The following RIGI variants were observed in gnomAD, a reference collection of about 807,000 sequenced individuals.
RIGI encodes the protein antiviral innate immune response receptor RIG-I.
chr9:32,500,937 C>T, the RIGI span: 3 of 1,612,414 alleles, frequency 1.9e-6, no homozygotes, highest in Non-Finnish European at 2.5e-6. Flanking sequence ...TACTGCACCT[C>T]TTCTACAAAC....
chr9:32,479,161 T>C, the RIGI span, among the ~76,000 whole-genome samples: 143 of 152,284 alleles, frequency 9.4e-4, 1 homozygote, highest in Admixed American at 2.7e-3. Flanking sequence ...ATACAAAAAA[T>C]CTGCAAAAAC....
At chr9:32,502,148 A>G in the RIGI span, among the ~76,000 whole-genome samples, 1 of 152,214 alleles carries the variant, frequency 6.6e-6, no homozygotes, top group African/African-American at 2.4e-5. Flanking sequence ...CTTACTTTGC[A>G]TAATGTTTTT....
the RIGI span, chr9:32,491,184 C>A: frequency 3.8e-5 from 45 of 1,175,830 alleles, 1 homozygote; most frequent in East Asian, 1.1e-3. Flanking sequence ...TCTTTACTTT[C>A]TTAATTTTCC....
chr9:32,519,436 T>C, the RIGI span, among the ~76,000 whole-genome samples: 1 of 152,206 alleles, frequency 6.6e-6, no homozygotes, highest in South Asian at 2.1e-4. Context: ...TTGTTTGGTT[T>C]TGCTTACCTC....
the RIGI span, among the ~76,000 whole-genome samples, chr9:32,455,466 C>T: frequency 6.6e-6 from 1 of 151,926 alleles, no homozygotes; most frequent in South Asian, 2.1e-4. Flanking sequence ...CTTATAAAAC[C>T]ATCAGATCTC....
At chr9:32,478,757 G>A in the RIGI span, among the ~76,000 whole-genome samples, 2 of 151,334 alleles carry the variant, frequency 1.3e-5, no homozygotes, top group Non-Finnish European at 1.5e-5. Context: ...ATGGGGTTTC[G>A]CCATGCTGCC....
the RIGI span, chr9:32,473,095 C>A: frequency 6.8e-7 from 1 of 1,469,426 alleles, no homozygotes; most frequent in Non-Finnish European, 9.4e-7. Flanking sequence ...ATCAATTGGA[C>A]ACTCCTTATA....
the RIGI span, among the ~76,000 whole-genome samples, chr9:32,525,626 C>T: frequency 1.1e-4 from 17 of 152,316 alleles, no homozygotes; most frequent in Non-Finnish European, 2.4e-4. Context: ...CATCAACTTC[C>T]TTTAAGCTCA....
At chr9:32,462,543 G>A in the RIGI span, among the ~76,000 whole-genome samples, 1 of 151,646 alleles carries the variant, frequency 6.6e-6, no homozygotes, top group South Asian at 2.1e-4. Flanking sequence ...CAAGTAGCTG[G>A]GATTACAGGC....
chr9:32,469,161 C>T, the RIGI span, among the ~76,000 whole-genome samples: 1 of 152,068 alleles, frequency 6.6e-6, no homozygotes, highest in Non-Finnish European at 1.5e-5. Flanking sequence ...GAGCCCCCAC[C>T]CCTACCTATC....
At chr9:32,460,966 A>C in the RIGI span, among the ~76,000 whole-genome samples, 2 of 152,098 alleles carry the variant, frequency 1.3e-5, no homozygotes, top group Non-Finnish European at 2.9e-5. Flanking sequence ...AAACAGGATA[A>C]ACCCCTTCAA....
the RIGI span, among the ~76,000 whole-genome samples, chr9:32,524,512 A>G: frequency 6.6e-6 from 1 of 151,184 alleles, no homozygotes; most frequent in Non-Finnish European, 1.5e-5. Context: ...ATTTCCAAAA[A>G]CTGCAATAAC....
chr9:32,497,191 A>T, the RIGI span, among the ~76,000 whole-genome samples: 4 of 152,056 alleles, frequency 2.6e-5, no homozygotes, highest in African/African-American at 9.7e-5. Flanking sequence ...CTTTCCATTT[A>T]TTTGTGTTAT....
chr9:32,458,934 G>A, the RIGI span, among the ~76,000 whole-genome samples: 1 of 137,104 alleles, frequency 7.3e-6, no homozygotes, highest in Non-Finnish European at 1.5e-5. Context: ...CTGTCACCCA[G>A]GCTGGAGCGC....
chr9:32,484,820 G>A, the RIGI span, among the ~76,000 whole-genome samples: 2 of 152,248 alleles, frequency 1.3e-5, no homozygotes, highest in African/African-American at 4.8e-5. Context: ...CTGGGTGATT[G>A]TCCCTAGATA....
At chr9:32,519,759 CTATTAT>C in the RIGI span, among the ~76,000 whole-genome samples, 2 of 151,922 alleles carry the variant, frequency 1.3e-5, no homozygotes, top group Non-Finnish European at 2.9e-5. Flanking sequence ...GTTGTGTTTA[CTATTAT>C]TAAGATTAAA....
At chr9:32,485,527 GCTTC>G in the RIGI span, 1 of 464,700 alleles carries the variant, frequency 2.2e-6, no homozygotes, top group Admixed American at 3.0e-5. Flanking sequence ...GGTCTAACTA[GCTTC>G]TTTTTTTTTT....
At chr9:32,457,159 T>A in the RIGI span, 1 of 1,613,970 alleles carries the variant, frequency 6.2e-7, no homozygotes, top group South Asian at 1.1e-5. Context: ...TGGTATCTTC[T>A]CAAAATGAAA....
chr9:32,474,563 G>A, the RIGI span, among the ~76,000 whole-genome samples: 1 of 152,170 alleles, frequency 6.6e-6, no homozygotes, highest in Non-Finnish European at 1.5e-5. Context: ...CTCTCTCTAG[G>A]GGAAGCCATC....
Sources: allele counts gnomAD v4.1 joint callset (sites outside exome capture counted in the v4.1 genomes callset), GRCh38; gene constraint gnomAD v4.1.1; transcripts MANE v1.5; gene names NCBI Gene and HGNC (gene_info 2026-07-23, HGNC 2026-07-21).